The following NOL4L variants were observed in gnomAD, a reference collection of about 807,000 sequenced individuals.
NOL4L encodes the protein nucleolar protein 4 like.
A neutral mutation model predicts 64.5 loss-of-function variants in NOL4L; 7 were observed. The observed-to-expected ratio is 0.11, with a 90% CI of 0.06 to 0.20. The LOEUF (loss-of-function observed/expected upper bound fraction) is 0.20. NOL4L is among the 10% of genes least tolerant of loss of function. The probability of loss-of-function intolerance (pLI) is 1.00; values close to 1 mark genes in which losing one functional copy is unlikely to be tolerated. For synonymous variants in NOL4L, 413 were observed against 401.0 expected (o/e 1.03, Z -0.36); for missense variants, 680 against 967.1 (o/e 0.70, Z 3.94).
At chr20:32,518,886 G>A (rs575079911) in intron 3 of NOL4L, among the ~76,000 whole-genome samples, 1 of 152,340 alleles carries the variant, frequency 6.6e-6, no homozygotes, top group South Asian at 2.1e-4. Flanking sequence ...AGCCCACGTG[G>A]GTGGCAGCAT....
chr20:32,550,421 C>A (rs532056475), intron 1 of NOL4L, among the ~76,000 whole-genome samples: 6 of 152,236 alleles, frequency 3.9e-5, no homozygotes, highest in African/African-American at 1.4e-4. Flanking sequence ...CTAAACATAT[C>A]TAAGCATACA....
chr20:32,536,315 G>A, intron 1 of NOL4L: 1 of 985,258 alleles, frequency 1.0e-6, no homozygotes, highest in Non-Finnish European at 1.2e-6. Flanking sequence ...GGGCCGAGGA[G>A]GCGCCCTGGG....
chr20:32,487,141 A>AG (rs1269825443), intron 4 of NOL4L, among the ~76,000 whole-genome samples: 6 of 152,016 alleles, frequency 3.9e-5, no homozygotes, highest in Admixed American at 3.3e-4. Context: ...GGTGGCACAC[A>AG]CCTGTAATCC....
intron 4 of NOL4L, among the ~76,000 whole-genome samples, chr20:32,483,850 G>A (rs1224046848): frequency 1.5e-5 from 2 of 136,634 alleles, no homozygotes; most frequent in African/African-American, 5.4e-5. Context: ...GGAGGAAGGA[G>A]GGGGAGCTGG....
At chr20:32,467,702 C>T (rs1273326498) in intron 5 of NOL4L, among the ~76,000 whole-genome samples, 1 of 152,208 alleles carries the variant, frequency 6.6e-6, no homozygotes, top group Non-Finnish European at 1.5e-5. Flanking sequence ...TGGTCCTCAA[C>T]CGCCTGGCAA....
chr20:32,494,253 GAAAAAAAAAAAAAAAA>G (rs566317193), intron 4 of NOL4L, among the ~76,000 whole-genome samples: 3 of 22,028 alleles, frequency 1.4e-4, no homozygotes, highest in Non-Finnish European at 2.6e-4. Flanking sequence ...ATAATCTCGG[GAAAAAAAAAAAAAAAA>G]AAAAAAAAAA....
chr20:32,469,040 A>G (rs1340650287), intron 5 of NOL4L, among the ~76,000 whole-genome samples: 2 of 152,110 alleles, frequency 1.3e-5, no homozygotes, highest in African/African-American at 2.4e-5. Context: ...CTCGGAGACG[A>G]TGTTTCCTGC....
intron 4 of NOL4L, among the ~76,000 whole-genome samples, chr20:32,484,674 G>A (rs186041993): frequency 3.3e-5 from 5 of 152,220 alleles, no homozygotes; most frequent in African/African-American, 7.2e-5. Flanking sequence ...TAAAGTAATA[G>A]GATAATCTCG....
chr20:32,536,402 G>T, intron 1 of NOL4L: 1 of 743,098 alleles, frequency 1.3e-6, no homozygotes, highest in Non-Finnish European at 1.6e-6. Flanking sequence ...AGGGGGAGGG[G>T]AGTGGGCCGC....
chr20:32,486,990 C>T (rs1414810263), intron 4 of NOL4L, among the ~76,000 whole-genome samples: 1 of 152,160 alleles, frequency 6.6e-6, no homozygotes, highest in Non-Finnish European at 1.5e-5. Context: ...AAATAACAGC[C>T]GGGTGCAGTG....
At chr20:32,469,999 G>A (rs1466084564) in intron 5 of NOL4L, among the ~76,000 whole-genome samples, 1 of 152,196 alleles carries the variant, frequency 6.6e-6, no homozygotes, top group Non-Finnish European at 1.5e-5. Flanking sequence ...TTGGAGGAGC[G>A]GCCTCATCTG....
At chr20:32,576,979 C>A (rs559802293) in intron 1 of NOL4L, among the ~76,000 whole-genome samples, 1 of 152,164 alleles carries the variant, frequency 6.6e-6, no homozygotes, top group East Asian at 1.9e-4. Flanking sequence ...CGTGCCCCTG[C>A]CTCCAGGCTC....
intron 1 of NOL4L, among the ~76,000 whole-genome samples, chr20:32,537,801 C>T (rs1600854616): frequency 2.0e-5 from 3 of 148,858 alleles, no homozygotes; most frequent in Admixed American, 6.7e-5. Flanking sequence ...TTTTTGGAGA[C>T]GGAATCTTGC....
intron 3 of NOL4L, among the ~76,000 whole-genome samples, chr20:32,514,478 A>T (rs1478256930): frequency 6.6e-6 from 1 of 151,982 alleles, no homozygotes. Flanking sequence ...GTGACAGAGC[A>T]AGACTCCGTC....
chr20:32,564,038 G>C (rs1374525268), intron 1 of NOL4L, among the ~76,000 whole-genome samples: 1 of 152,180 alleles, frequency 6.6e-6, no homozygotes, highest in Non-Finnish European at 1.5e-5. Flanking sequence ...GAGACAAAGG[G>C]ACAAAGGCGC....
At chr20:32,490,954 C>G (rs2016443439) in intron 4 of NOL4L, among the ~76,000 whole-genome samples, 1 of 152,202 alleles carries the variant, frequency 6.6e-6, no homozygotes, top group Non-Finnish European at 1.5e-5. Context: ...AGCAGACGGA[C>G]TCGCCATCTT....
intron 5 of NOL4L, among the ~76,000 whole-genome samples, chr20:32,459,150 G>A (rs146827986): frequency 3.3e-5 from 5 of 152,280 alleles, no homozygotes; most frequent in African/African-American, 4.8e-5. Context: ...CTAGGACCTC[G>A]TATGGCCAAG....
chr20:32,488,791 C>CTT, intron 4 of NOL4L, among the ~76,000 whole-genome samples: 1 of 53,498 alleles, frequency 1.9e-5, no homozygotes, highest in Non-Finnish European at 3.1e-5. Context: ...TCCTTCCTTC[C>CTT]TTTCTTTCTT....
intron 1 of NOL4L, among the ~76,000 whole-genome samples, chr20:32,553,448 CCCACATGGATGTTCTCTCA>C (rs1409257989): frequency 6.6e-6 from 1 of 152,212 alleles, no homozygotes; most frequent in East Asian, 1.9e-4. Flanking sequence ...CCACCAGATC[CCCACATGGATGTTCTCTCA>C]CCTCCAGTGG....
Sources: gnomAD v4.1 joint callset for allele counts (sites outside exome capture counted in the v4.1 genomes callset) on GRCh38, gnomAD v4.1.1 for gene constraint, MANE v1.5 for transcripts, NCBI Gene and HGNC (gene_info 2026-07-23, HGNC 2026-07-21) for gene names.